TRIM23: variants seen among roughly 807,000 people sequenced by gnomAD.
The protein encoded by TRIM23 is E3 ubiquitin-protein ligase TRIM23.
Under a neutral mutation model 71.0 loss-of-function variants are expected in TRIM23, and 27 were observed. The observed-to-expected ratio is 0.38, with a 90% CI of 0.28 to 0.52. The LOEUF (loss-of-function observed/expected upper bound fraction) is 0.52. Ranked by LOEUF, TRIM23 falls within the 20% of genes least tolerant of loss-of-function variation. The pLI is 0.84. For synonymous variants in TRIM23, 234 were observed against 238.0 expected, an observed-to-expected ratio of 0.98 and a Z score of 0.16; for missense variants, 482 against 692.3, an observed-to-expected ratio of 0.70 and a Z score of 3.41.
intron 1 of TRIM23, among the ~76,000 whole-genome samples, chr5:65,618,761 T>C (rs1482676576): frequency 2.0e-5 from 3 of 152,256 alleles, no homozygotes; most frequent in Non-Finnish European, 4.4e-5. Context: ...AAGTATCTTC[T>C]ACTATCTAAT....
Position 65,590,639 on chromosome 5 carries a change from T to A in TRIM23, c.*1130A>T. On this transcript the variant is annotated 3_prime_UTR_variant, in exon 11 of 11. Transcript: ENST00000231524. ...ATGAAAAACAGTAAAGAGCACACAT[T>A]TTTATTTACTCACAACACTGAATAA... The A allele has an allele frequency of 1.0e-6, 1 of 989,690 alleles. No individual in the cohort carries two copies. The highest frequency in any genetic ancestry group is 1.2e-6 in the Non-Finnish European group (1 of 828,776). The allele number at this position is 989,690 out of a possible 1,614,324, so 61.3% of individuals were successfully genotyped here. A position where few individuals can be genotyped will look rare whatever the true frequency, so the allele number is the denominator to read the frequency against.
At chr5:65,612,448 A>T (rs550087941) in intron 3 of TRIM23, among the ~76,000 whole-genome samples, 1 of 152,284 alleles carries the variant, frequency 6.6e-6, no homozygotes, top group South Asian at 2.1e-4. Context: ...TTCTAATTAT[A>T]CGCCATGTTA....
chr5:65,611,666 A>G lies in TRIM23; in HGVS notation c.582T>C (p.Gly194=). The G allele has an allele frequency of 6.2e-7, 1 of 1,614,144 alleles. No homozygotes were observed. Among genetic ancestry groups the G allele is most frequent in the South Asian group, 1.1e-5 (1 of 91,088 alleles). Residue 194 remains glycine (G), a synonymous_variant, in exon 4 of 11, where the codon GGT becomes GGC. Transcript: ENST00000231524. ...HAIEFVCLEE[G]CQTSPLMCCV... Reference sequence around the variant, plus strand: ...AGCACATGAGTGGGCTAGTTTGACAACCTTCTTCCAAGCAAACAAACTCAA... The same window carrying G: ...AGCACATGAGTGGGCTAGTTTGACAGCCTTCTTCCAAGCAAACAAACTCAA...
rs750338843 is a variant in TRIM23 at position 65,611,638 on chromosome 5, C to G, written c.610G>C (p.Val204Leu). ...GCQTSPLMCC[V>L]CKEYGKHQGH... ...TGGTGTTTTCCATATTCTTTGCAGA[C>G]ACAGCACATGAGTGGGCTAGTTTGA... Residue 204 changes from valine to leucine, a missense_variant, in exon 4 of 11, where the codon GTC becomes CTC. Around this residue, in one of 2 missense-constraint regions of TRIM23, gnomAD observed 307 missense variants for 495.8 expected, o/e 0.62. Transcript: ENST00000231524. 2.5e-6 allele frequency: 4 copies of G among 1,614,076 alleles called. No individual in the cohort carries two copies. The highest frequency in any genetic ancestry group is 3.4e-6 in the Non-Finnish European group (4 of 1,179,966).
chr5:65,597,156 T>G lies in TRIM23; in HGVS notation c.1204A>C (p.Lys402Gln). Residue 402 changes from lysine to glutamine, a missense_variant, in exon 8 of 11, where the codon AAA becomes CAA. Lys to Gln is a moderately conservative substitution (Grantham distance 53, BLOSUM62 1). Transcript: ENST00000231524. ...AACGTAACGACCCGAATTTCCATTT[T>G]TGGTCCAATGTGAACTCGATTATCC... ...TKDNRVHIGP[K>Q]MEIRVVTLGL... 1 of 1,614,198 alleles carries G rather than the reference T, an allele frequency of 6.2e-7. No individual in the cohort carries two copies. The highest frequency in any genetic ancestry group is 1.1e-5 in the South Asian group (1 of 91,088).
At chr5:65,606,125 A>G (rs954865292) in intron 6 of TRIM23, among the ~76,000 whole-genome samples, 2 of 152,154 alleles carry the variant, frequency 1.3e-5, no homozygotes, top group African/African-American at 4.8e-5. Flanking sequence ...TCAAAACTCT[A>G]CAATGGTCCT....
intron 7 of TRIM23, among the ~76,000 whole-genome samples, chr5:65,601,872 G>A (rs1754372048): frequency 6.6e-6 from 1 of 152,156 alleles, no homozygotes; most frequent in Non-Finnish European, 1.5e-5. Context: ...TTCAGCCACA[G>A]CTGGAGCAGC....
In TRIM23 at chr5:65,591,260, A is replaced by G; in HGVS notation, c.*509T>C. The G allele has an allele frequency of 1.5e-6, 2 of 1,320,422 alleles. No individual in the cohort carries two copies. The highest frequency in any genetic ancestry group is 1.9e-6 in the Non-Finnish European group (2 of 1,037,514). The allele number at this position is 1,320,422 out of a possible 1,614,324, so 81.8% of individuals were successfully genotyped here. A position where few individuals can be genotyped will look rare whatever the true frequency, so the allele number is the denominator to read the frequency against. ...CTGAACATAAACATAAAGTAATCCT[A>G]TTATCCAAATATGTAGTTTGGATTC... is the stretch of plus-strand genomic sequence containing the variant. On this transcript the variant is annotated 3_prime_UTR_variant, in exon 11 of 11. Coordinates refer to ENST00000231524, the MANE Select transcript of TRIM23 (RefSeq NM_001656.4).
chr5:65,594,649 C>T lies in TRIM23; in HGVS notation c.1421-4G>A, dbSNP rs746345321. On this transcript the variant is annotated splice_region_variant and splice_polypyrimidine_tract_variant and intron_variant, in intron 9 of 10. Transcript: ENST00000231524. ...CTATCTACAACAAACACAACAGCTA[C>T]CCAAAAAAAAATAAAAAAAACAAAA... 1.0e-5 allele frequency: 16 copies of T among 1,532,780 alleles called. No individual in the cohort carries two copies. The highest frequency in any genetic ancestry group is 9.3e-5 in the Admixed American group (4 of 43,076). The allele number at this position is 1,532,780 out of a possible 1,614,324, so 94.9% of individuals were successfully genotyped here. A position where few individuals can be genotyped will look rare whatever the true frequency, so the allele number is the denominator to read the frequency against.
In TRIM23 at chr5:65,597,044, T is replaced by C. The variant is rs139385131; in HGVS notation, c.1309+7A>G. On this transcript the variant is annotated splice_region_variant and intron_variant, in intron 8 of 10. Coordinates refer to ENST00000231524, the MANE Select transcript of TRIM23 (RefSeq NM_001656.4). ...CTATTAAGGTAAAAACCAATATTCA[T>C]ACTTACCAATTGTTGGAATGGGCTG... The C allele has an allele frequency of 1.2e-6, 2 of 1,613,846 alleles. No individual in the cohort carries two copies. Among genetic ancestry groups the C allele is most frequent in the African/African-American group, 1.3e-5 (1 of 75,058 alleles).
chr5:65,599,615 C>T (rs1211901458), intron 7 of TRIM23, among the ~76,000 whole-genome samples: 1 of 152,184 alleles, frequency 6.6e-6, no homozygotes, highest in Admixed American at 6.5e-5. Flanking sequence ...AATAGACATT[C>T]CATGTCCATG....
At chr5:65,619,673 A>G (rs770127503) in intron 1 of TRIM23, among the ~76,000 whole-genome samples, 1 of 152,224 alleles carries the variant, frequency 6.6e-6, no homozygotes, top group African/African-American at 2.4e-5. Context: ...TTCAATGTAA[A>G]TAAGGGTTTG....
At chr5:65,594,239 C>T (rs1168994162) in intron 10 of TRIM23, among the ~76,000 whole-genome samples, 1 of 152,172 alleles carries the variant, frequency 6.6e-6, no homozygotes, top group Non-Finnish European at 1.5e-5. Flanking sequence ...TCCTAATTCC[C>T]GTAACACTGT....
rs1196012407 is a variant in TRIM23 at position 65,624,266 on chromosome 5, G to T, written c.9C>A (p.Thr3=). 6.2e-7 allele frequency: 1 copy of T among 1,614,010 alleles called. No individual in the cohort carries two copies. The highest frequency in any genetic ancestry group is 1.3e-5 in the African/African-American group (1 of 74,934). Residue 3 remains threonine (T), a synonymous_variant, in exon 1 of 11, where the codon ACC becomes ACA. Coordinates refer to ENST00000231524, the MANE Select transcript of TRIM23 (RefSeq NM_001656.4). MA[T]LVVNKLGAGV... ...CCGCTCCGAGCTTGTTTACAACCAG[G>T]GTAGCCATCCTCGCAGGGGAAGCGC...
At chr5:65,614,029 C>T (rs1754718468) in intron 3 of TRIM23, 69 bp downstream of exon 3, 2 of 1,582,998 alleles carry the variant, frequency 1.3e-6, no homozygotes, top group Non-Finnish European at 1.7e-6. Context: ...TAATATTGTG[C>T]TAATAATGGC....
chr5:65,600,622 T>TAA (rs34809421), intron 7 of TRIM23, among the ~76,000 whole-genome samples: 1,953 of 102,252 alleles, frequency 0.019, 21 homozygotes, highest in Non-Finnish European at 0.023. Context: ...AAAAGCACAG[T>TAA]AAAAAAAAAA....
intron 1 of TRIM23, among the ~76,000 whole-genome samples, chr5:65,618,900 T>C (rs1754844517): frequency 6.6e-6 from 1 of 152,204 alleles, no homozygotes; most frequent in Non-Finnish European, 1.5e-5. Flanking sequence ...ACACATGACT[T>C]GCACAAGGCT....
At position 65,590,255 on chromosome 5, in the gene TRIM23, GTAT is replaced by G. The variant is rs753066124; in HGVS notation, c.*1511_*1513del. ...AAATATTAAATAATTTAATTCGGAAGTATTATTTATGCACACAAACTACACCTG... is the reference window on the plus strand; with the variant it reads ...AAATATTAAATAATTTAATTCGGAAGTATTTATGCACACAAACTACACCTG... On this transcript the variant is annotated 3_prime_UTR_variant, in exon 11 of 11. Transcript: ENST00000231524. 8.4e-6 allele frequency: 9 copies of G among 1,077,460 alleles called. No individual in the cohort carries two copies. The highest frequency in any genetic ancestry group is 3.2e-5 in the African/African-American group (2 of 62,524). The allele number at this position is 1,077,460 out of a possible 1,614,324, so 66.7% of individuals were successfully genotyped here.
intron 6 of TRIM23, among the ~76,000 whole-genome samples, chr5:65,607,342 C>T (rs1329247749): frequency 6.6e-6 from 1 of 152,112 alleles, no homozygotes; most frequent in East Asian, 1.9e-4. Context: ...AATCTCATCT[C>T]GAATTGTAAT....
Sources: allele counts gnomAD v4.1 joint callset (sites outside exome capture counted in the v4.1 genomes callset), GRCh38; gene constraint gnomAD v4.1.1; regional missense constraint gnomAD v4.1.1; transcripts MANE v1.5; gene names NCBI Gene and HGNC (gene_info 2026-07-23, HGNC 2026-07-21).